DNM3: variants seen among roughly 807,000 people sequenced by gnomAD.
The protein encoded by DNM3 is dynamin-3.
Under a neutral mutation model 101.6 loss-of-function variants are expected in DNM3, and 47 were observed. That is an observed-to-expected ratio of 0.46 (90% CI 0.37 to 0.59). DNM3 has a LOEUF of 0.59. Among genes scored for constraint, DNM3 ranks in the 20% least tolerant of loss-of-function variants. DNM3 has a pLI of 0.00. For missense variants in DNM3, 849 were observed against 1,085.7 expected, an observed-to-expected ratio of 0.78 and a Z score of 3.06; for synonymous variants, 385 against 387.9, an observed-to-expected ratio of 0.99 and a Z score of 0.09.
At chr1:172,321,575 C>A (rs1056000358) in intron 16 of DNM3, among the ~76,000 whole-genome samples, 8 of 152,122 alleles carry the variant, frequency 5.3e-5, no homozygotes, top group African/African-American at 1.9e-4. Flanking sequence ...AATGGCCAAG[C>A]CACACCACGT....
At chr1:172,327,932 A>C (rs1322439433) in intron 17 of DNM3, among the ~76,000 whole-genome samples, 1 of 152,206 alleles carries the variant, frequency 6.6e-6, no homozygotes, top group African/African-American at 2.4e-5. Context: ...AGCATTGTTA[A>C]AGCCTTATTT....
At chr1:172,277,488 C>G (rs909525286) in intron 15 of DNM3, among the ~76,000 whole-genome samples, 6 of 151,976 alleles carry the variant, frequency 3.9e-5, no homozygotes, top group Non-Finnish European at 5.9e-5. Flanking sequence ...GTAGGAGTCT[C>G]TGTAGACTAG....
chr1:172,219,339 C>T (rs1245192940), intron 14 of DNM3, among the ~76,000 whole-genome samples: 4 of 132,172 alleles, frequency 3.0e-5, no homozygotes, highest in Admixed American at 8.5e-5. Flanking sequence ...TGCAGTATCA[C>T]TGCACTCCAG....
chr1:171,867,381 G>C (rs191279267), intron 1 of DNM3, among the ~76,000 whole-genome samples: 1 of 152,102 alleles, frequency 6.6e-6, no homozygotes, highest in Non-Finnish European at 1.5e-5. Flanking sequence ...ATGGCTGTTC[G>C]TGCTTCAAAC....
At chr1:172,251,598 A>G (rs1286390750) in intron 14 of DNM3, among the ~76,000 whole-genome samples, 5 of 152,090 alleles carry the variant, frequency 3.3e-5, no homozygotes, top group Non-Finnish European at 5.9e-5. Flanking sequence ...TATTTCTCTC[A>G]TGTTTAATAT....
In DNM3 at chr1:172,092,815, T is replaced by C; in HGVS notation, c.1494-9T>C. 6.4e-7 allele frequency: 1 copy of C among 1,553,420 alleles called. No individual in the cohort carries two copies. Among genetic ancestry groups the C allele is most frequent in the Non-Finnish European group, 8.7e-7 (1 of 1,148,178 alleles). On this transcript the variant is annotated splice_polypyrimidine_tract_variant and intron_variant, in intron 12 of 20. Transcript: ENST00000627582. ...TCTCTTCAGTGCTGCTTTCCTTTGC[T>C]TTTCTCAGTGCTCAGCAGAGGAGCA... is the stretch of plus-strand genomic sequence containing the variant.
At chr1:172,199,335 G>T (rs538488920) in intron 14 of DNM3, among the ~76,000 whole-genome samples, 3 of 151,952 alleles carry the variant, frequency 2.0e-5, no homozygotes, top group Non-Finnish European at 2.9e-5. Flanking sequence ...CAATTATATG[G>T]TCTATTTTAG....
At chr1:172,211,948 G>A (rs2060528590) in intron 14 of DNM3, among the ~76,000 whole-genome samples, 1 of 152,070 alleles carries the variant, frequency 6.6e-6, no homozygotes, top group Admixed American at 6.6e-5. Context: ...GGGTTGGAGG[G>A]TTTGTTGTAA....
At chr1:171,987,827 C>A in intron 3 of DNM3, 22 bp downstream of exon 3, 1 of 1,525,808 alleles carries the variant, frequency 6.6e-7, no homozygotes, top group Non-Finnish European at 8.8e-7. Flanking sequence ...AATAAAATTC[C>A]AAATTCTTCT....
intron 1 of DNM3, among the ~76,000 whole-genome samples, chr1:171,877,662 T>C (rs724184): frequency 0.43 from 65,111 of 152,122 alleles, 14,069 homozygotes; most frequent in African/African-American, 0.44. Context: ...TGGGGTTATA[T>C]TGCCTGAAGG....
At chr1:172,281,267 G>A (rs1211341323) in intron 15 of DNM3, among the ~76,000 whole-genome samples, 1 of 152,102 alleles carries the variant, frequency 6.6e-6, no homozygotes. Flanking sequence ...GACACGGAAA[G>A]GAACTGAGGA....
At chr1:172,129,087 T>G (rs1166310305) in intron 13 of DNM3, among the ~76,000 whole-genome samples, 1 of 152,198 alleles carries the variant, frequency 6.6e-6, no homozygotes, top group East Asian at 1.9e-4. Flanking sequence ...TCTGCATCTC[T>G]GATACAATGA....
chr1:172,320,839 G>A (rs2065680804), intron 16 of DNM3, among the ~76,000 whole-genome samples: 4 of 152,154 alleles, frequency 2.6e-5, no homozygotes, highest in East Asian at 1.9e-4. Flanking sequence ...TCAGATGCGC[G>A]CCTACTGGTA....
At chr1:172,214,083 C>A (rs2060608813) in intron 14 of DNM3, among the ~76,000 whole-genome samples, 2 of 152,082 alleles carry the variant, frequency 1.3e-5, no homozygotes, top group Non-Finnish European at 2.9e-5. Context: ...ATGCTTCTTA[C>A]ATCTTTAGAC....
At chr1:172,113,757 C>T (rs1048916278) in intron 13 of DNM3, among the ~76,000 whole-genome samples, 3 of 151,952 alleles carry the variant, frequency 2.0e-5, no homozygotes, top group African/African-American at 7.3e-5. Flanking sequence ...GCACATCCTG[C>T]ATCGTGTGGC....
chr1:171,859,254 G>A (rs2125034746), intron 1 of DNM3, among the ~76,000 whole-genome samples: 1 of 152,080 alleles, frequency 6.6e-6, no homozygotes, highest in African/African-American at 2.4e-5. Flanking sequence ...TCTTGAATTT[G>A]GGTCTCCTTT....
chr1:172,283,585 C>T (rs146481773), intron 15 of DNM3, among the ~76,000 whole-genome samples: 2,151 of 151,704 alleles, frequency 0.014, 16 homozygotes, highest in Non-Finnish European at 0.02. Context: ...GATGCTGAAA[C>T]GCCGTCTCTA....
intron 16 of DNM3, among the ~76,000 whole-genome samples, chr1:172,320,647 T>C (rs1356366753): frequency 6.6e-6 from 1 of 152,200 alleles, no homozygotes; most frequent in Non-Finnish European, 1.5e-5. Context: ...ATTACTTCCC[T>C]TCTCTTAGGA....
At position 171,877,446 on chromosome 1, in the gene DNM3, C is replaced by T. The variant is rs550426303; in HGVS notation, c.161+35629C>T. ...GTGAATACTTCATTCATTTTAGTCT[C>T]TTCTCCACAACAAATCATTTTTGTT... On this transcript the variant is annotated intron_variant, in intron 1 of 20. Coordinates refer to ENST00000627582, the MANE Select transcript of DNM3 (RefSeq NM_015569.5). Among the ~76,000 whole-genome samples, 8 of 152,306 alleles carry T rather than the reference C, an allele frequency of 5.3e-5. No homozygotes were observed. The South Asian group carries it at 1.7e-3, about 32-fold the overall frequency.
Sources: gnomAD v4.1 joint callset for allele counts (sites outside exome capture counted in the v4.1 genomes callset) on GRCh38, gnomAD v4.1.1 for gene constraint, MANE v1.5 for transcripts, NCBI Gene and HGNC (gene_info 2026-07-23, HGNC 2026-07-21) for gene names.